Variants in CNTNAP4 observed in about 807,000 individuals in gnomAD.
CNTNAP4 encodes the protein contactin associated protein family member 4, also known as contactin-associated protein-like 4.
In CNTNAP4, 98 loss-of-function variants were observed where a neutral mutation model predicts 148.4. The ratio of observed to expected loss-of-function variants is 0.66; its 90% CI spans 0.56 to 0.78. The LOEUF is 0.78. Ranked by LOEUF, CNTNAP4 falls within the 30% of genes least tolerant of loss-of-function variation. CNTNAP4 has a pLI of 0.00. For missense variants in CNTNAP4, 1,935 were observed against 1,565.6 expected, an observed-to-expected ratio of 1.24 and a Z score of -3.98; for synonymous variants, 730 against 565.1, an observed-to-expected ratio of 1.29 and a Z score of -4.14.
chr16:76,285,807 C>G (rs1000804521), intron 1 of CNTNAP4, among the ~76,000 whole-genome samples: 1 of 151,852 alleles, frequency 6.6e-6, no homozygotes, highest in South Asian at 2.1e-4. Context: ...GATAAACTCT[C>G]CTAGCAATTG....
Position 76,288,433 on chromosome 16 carries a change from C to T in CNTNAP4, c.85+10686C>T, listed in dbSNP as rs150156839. On this transcript the variant is annotated intron_variant, in intron 1 of 23. Coordinates refer to ENST00000611870, the MANE Select transcript of CNTNAP4 (RefSeq NM_033401.5). The stretch of plus-strand genomic sequence containing the variant: ...TCTACTCTTCATTTCTTGGCCTTTG[C>T]ATCTGTTGTTCCCTTTGCGTAAATT... Among the ~76,000 whole-genome samples the T allele has an allele frequency of 5.4e-4, 82 of 152,230 alleles. No homozygotes were observed. The East Asian group carries it at 0.014, about 26-fold the overall frequency.
chr16:76,529,818 C>G (rs1429705112), intron 17 of CNTNAP4, among the ~76,000 whole-genome samples: 1 of 150,712 alleles, frequency 6.6e-6, no homozygotes, highest in Non-Finnish European at 1.5e-5. Context: ...TATTGAAGCT[C>G]TGAGACTGTA....
chr16:76,295,134 G>A (rs1959203014), intron 1 of CNTNAP4, among the ~76,000 whole-genome samples: 2 of 152,146 alleles, frequency 1.3e-5, no homozygotes, highest in South Asian at 2.1e-4. Context: ...AATATTTGGA[G>A]TGGTCACAGG....
At chr16:76,473,928 A>G (rs2143591098) in intron 10 of CNTNAP4, among the ~76,000 whole-genome samples, 1 of 151,350 alleles carries the variant, frequency 6.6e-6, no homozygotes, top group South Asian at 2.1e-4. Context: ...GGTGTGTTTC[A>G]TTCTGAATCC....
At chr16:76,386,502 C>CT (rs1327856606) in intron 3 of CNTNAP4, among the ~76,000 whole-genome samples, 1 of 152,150 alleles carries the variant, frequency 6.6e-6, no homozygotes. Context: ...TTACTCCAGA[C>CT]TTTCCCAGAT....
chr16:76,513,408 A>T (rs922239216), intron 15 of CNTNAP4, among the ~76,000 whole-genome samples: 2 of 152,164 alleles, frequency 1.3e-5, no homozygotes, highest in Non-Finnish European at 2.9e-5. Flanking sequence ...GAGTGTGCAC[A>T]CTTGGCATCA....
intron 18 of CNTNAP4, 80 bp from the exon 19 acceptor site, chr16:76,538,036 C>G: frequency 1.6e-6 from 1 of 614,578 alleles, no homozygotes. Context: ...ATTAAAGAAA[C>G]TAAAATATAA....
chr16:76,293,639 G>C lies in CNTNAP4; in HGVS notation c.85+15892G>C, dbSNP rs528938965. Among the ~76,000 whole-genome samples the C allele has an allele frequency of 2.0e-5, 3 of 152,118 alleles. No homozygotes were observed. In the South Asian group the frequency reaches 6.2e-4, roughly 32 times the overall value. On this transcript the variant is annotated intron_variant, in intron 1 of 23. Coordinates refer to ENST00000611870, the MANE Select transcript of CNTNAP4 (RefSeq NM_033401.5). ...GGTGGATTTGAGTGACTGCACTTAAGGGATCACTTGACAGAGCATCTCTTC... is the reference window on the plus strand; with the variant it reads ...GGTGGATTTGAGTGACTGCACTTAACGGATCACTTGACAGAGCATCTCTTC...
At chr16:76,413,050 T>G (rs1015109024) in intron 3 of CNTNAP4, among the ~76,000 whole-genome samples, 1 of 151,484 alleles carries the variant, frequency 6.6e-6, no homozygotes, top group Non-Finnish European at 1.5e-5. Flanking sequence ...CAGTGTGAAC[T>G]AAGCACATCA....
intron 15 of CNTNAP4, among the ~76,000 whole-genome samples, chr16:76,515,417 A>G (rs1334184166): frequency 2.6e-5 from 4 of 152,140 alleles, no homozygotes; most frequent in African/African-American, 9.7e-5. Flanking sequence ...TCCTTATAAG[A>G]AAGAGACACC....
intron 4 of CNTNAP4, among the ~76,000 whole-genome samples, chr16:76,444,566 C>G (rs958044529): frequency 2.0e-5 from 3 of 150,654 alleles, no homozygotes; most frequent in African/African-American, 7.5e-5. Context: ...TTCTCTCTCT[C>G]AAAAGATTAA....
rs116650687 is a variant in CNTNAP4, at chr16:76,505,919, C to T, written c.2365+7225C>T. 5.6e-3 allele frequency among the ~76,000 whole-genome samples: 538 copies of T among 96,604 alleles called. 67 individuals carry two copies. The highest frequency in any genetic ancestry group is 0.013 in the African/African-American group (517 of 38,724). The allele number at this position is 96,604 out of a possible 152,430, so 63.4% of individuals were successfully genotyped here. On this transcript the variant is annotated intron_variant, in intron 15 of 23. Transcript: ENST00000611870. ...TGTCTCTTACAAAACAAAATTGGGT[C>T]ATCAAAACAAACAGAGAAACAACCG...
rs778182909 is a variant in CNTNAP4, at chr16:76,452,700, T to C, written c.1264T>C (p.Phe422Leu). The change falls in exon 8 of 24, where the codon TTT becomes CTT. Residue 422 changes from phenylalanine (F) to leucine (L), a missense_variant. Physicochemically the swap from Phe to Leu is conservative, Grantham distance 22 (BLOSUM62 0). Coordinates refer to ENST00000611870, the MANE Select transcript of CNTNAP4 (RefSeq NM_033401.5). ...LQLISGGILL[F>L]LSDGKLKSNL... Reference sequence around the variant, plus strand: ...GCTGATTTCAGGGGGTATCCTCCTCTTTCTGAGTGATGGAAAACTTAAGTC... The same window carrying C: ...GCTGATTTCAGGGGGTATCCTCCTCCTTCTGAGTGATGGAAAACTTAAGTC... 1.2e-6 allele frequency: 2 copies of C among 1,612,344 alleles called. No individual in the cohort carries two copies. The highest frequency in any genetic ancestry group is 1.7e-6 in the Non-Finnish European group (2 of 1,178,994).
At chr16:76,534,280 G>A (rs920837624) in intron 17 of CNTNAP4, among the ~76,000 whole-genome samples, 1 of 152,194 alleles carries the variant, frequency 6.6e-6, no homozygotes, top group Non-Finnish European at 1.5e-5. Flanking sequence ...ATATACAGTA[G>A]CAATTGAAGT....
intron 4 of CNTNAP4, among the ~76,000 whole-genome samples, chr16:76,428,531 A>G (rs1313622404): frequency 6.6e-6 from 1 of 151,964 alleles, no homozygotes; most frequent in East Asian, 1.9e-4. Context: ...CTTTCTTTAC[A>G]TAAAAGAAAA....
chr16:76,475,354 C>T (rs1443751801), intron 10 of CNTNAP4, among the ~76,000 whole-genome samples: 3 of 152,130 alleles, frequency 2.0e-5, no homozygotes, highest in East Asian at 1.9e-4. Context: ...GTTAGTCACA[C>T]GGTGTTTGAT....
At chr16:76,500,609 T>C (rs539225754) in intron 15 of CNTNAP4, among the ~76,000 whole-genome samples, 160 of 92,498 alleles carry the variant, frequency 1.7e-3, no homozygotes, top group African/African-American at 5.5e-3. Flanking sequence ...CTTTTTTTTT[T>C]TCCAGTTTGT....
At chr16:76,444,954 C>T (rs1309589929) in intron 4 of CNTNAP4, among the ~76,000 whole-genome samples, 1 of 152,140 alleles carries the variant, frequency 6.6e-6, no homozygotes, top group Admixed American at 6.5e-5. Context: ...TTGTTCCTTT[C>T]AGGTCCCCTT....
At chr16:76,473,573 A>C (rs1293801523) in intron 10 of CNTNAP4, among the ~76,000 whole-genome samples, 3 of 152,096 alleles carry the variant, frequency 2.0e-5, no homozygotes, top group Non-Finnish European at 2.9e-5. Flanking sequence ...GGAGATCGAG[A>C]CCATCCTGGC....
Sources: gnomAD v4.1 joint callset for allele counts (sites outside exome capture counted in the v4.1 genomes callset) on GRCh38, gnomAD v4.1.1 for gene constraint, MANE v1.5 for transcripts, NCBI Gene and HGNC (gene_info 2026-07-23, HGNC 2026-07-21) for gene names.